Variants in SULT1C3 observed in about 807,000 individuals in gnomAD.
The protein encoded by SULT1C3 is sulfotransferase family 1C member 3.
In SULT1C3, 31 loss-of-function variants were observed where a neutral mutation model predicts 28.4. The ratio of observed to expected loss-of-function variants is 1.09; its 90% CI spans 0.82 to 1.47. SULT1C3 has a LOEUF of 1.47. Among genes scored for constraint, SULT1C3 ranks in the 40% most tolerant of loss-of-function variants. SULT1C3 has a pLI of 0.00. For synonymous variants in SULT1C3, 106 were observed against 92.2 expected (o/e 1.15, Z -0.86); for missense variants, 307 against 272.5 (o/e 1.13, Z -0.89).
At chr2:108,245,562 C>G (rs1675559983) in intron 1 of SULT1C3, among the ~76,000 whole-genome samples, 1 of 152,144 alleles carries the variant, frequency 6.6e-6, no homozygotes, top group South Asian at 2.1e-4. Flanking sequence ...ATGGGACAAT[C>G]AAGGAGTAGC....
At chr2:108,244,978 T>G (rs1376424249) in intron 1 of SULT1C3, among the ~76,000 whole-genome samples, 4 of 152,106 alleles carry the variant, frequency 2.6e-5, no homozygotes, top group Non-Finnish European at 5.9e-5. Context: ...CAAAATACAC[T>G]CCAGGGGAGT....
chr2:108,260,907 TTTTG>T (rs1041871796), downstream of SULT1C3, among the ~76,000 whole-genome samples: 22 of 152,294 alleles, frequency 1.4e-4, no homozygotes, highest in African/African-American at 5.3e-4. Flanking sequence ...ACATGAGTTT[TTTTG>T]TTTGTTTGTT....
intron 5 of SULT1C3, 152 bp from the exon 6 acceptor site, chr2:108,258,582 T>A: frequency 3.4e-6 from 2 of 587,236 alleles, no homozygotes; most frequent in Admixed American, 6.0e-5. Flanking sequence ...TTACACCATA[T>A]AGACAAATTT....
chr2:108,249,370 G>A (rs1004604558), intron 2 of SULT1C3, among the ~76,000 whole-genome samples: 24 of 151,790 alleles, frequency 1.6e-4, no homozygotes, highest in Non-Finnish European at 2.4e-4. Flanking sequence ...TGTGTTGCCC[G>A]CACAGCTGCA....
chr2:108,261,735 T>C (rs1249242576), downstream of SULT1C3, among the ~76,000 whole-genome samples: 1 of 152,102 alleles, frequency 6.6e-6, no homozygotes, highest in Non-Finnish European at 1.5e-5. Flanking sequence ...TCAGGAACAA[T>C]ATACATAGCT....
chr2:108,241,135 T>A (rs1202304343), intron 1 of SULT1C3, among the ~76,000 whole-genome samples: 2 of 152,226 alleles, frequency 1.3e-5, no homozygotes, highest in African/African-American at 2.4e-5. Context: ...CCACACTGTG[T>A]AGACAAGGTA....
In SULT1C3 at chr2:108,247,182, T is replaced by TATGG; in HGVS notation, c.-7-6_-7-5insATGG. The TATGG allele has an allele frequency of 6.6e-7, 1 of 1,508,152 alleles. No homozygotes were observed. 93.4% of individuals were successfully genotyped at this position (1,508,152 alleles called of 1,614,324 possible). ...TTTTAATTAGTATTGATCTTACCCA[T>TATGG]CCCAGATTCCCAATGGCGAAGATTG... is the stretch of plus-strand genomic sequence containing the variant. On this transcript the variant is annotated splice_region_variant and splice_polypyrimidine_tract_variant and intron_variant, in intron 1 of 7. Coordinates refer to ENST00000681802, the MANE Select transcript of SULT1C3 (RefSeq NM_001320878.2).
In SULT1C3 at chr2:108,259,258, T is replaced by G. The variant is rs971489406; in HGVS notation, c.802+112T>G. 1.3e-5 allele frequency: 3 copies of G among 236,268 alleles called. No individual in the cohort carries two copies. In the East Asian group the frequency reaches 2.9e-4, roughly 23 times the overall value. 14.6% of individuals were successfully genotyped at this position (236,268 alleles called of 1,614,324 possible). Reference sequence around the variant, plus strand: ...GAAGTGACTCATTTCAGTTAAATTTTGAATCTCTGCTCCCTTCACCCTGCC... The same window carrying G: ...GAAGTGACTCATTTCAGTTAAATTTGGAATCTCTGCTCCCTTCACCCTGCC... On this transcript the variant is annotated intron_variant, in intron 7 of 7. Coordinates refer to ENST00000681802, the MANE Select transcript of SULT1C3 (RefSeq NM_001320878.2).
chr2:108,244,178 A>G (rs1426999244), intron 1 of SULT1C3, among the ~76,000 whole-genome samples: 2 of 152,208 alleles, frequency 1.3e-5, no homozygotes, highest in African/African-American at 4.8e-5. Flanking sequence ...AATATAAACA[A>G]TGATCCTTAT....
chr2:108,247,855 G>A (rs1326659414), intron 2 of SULT1C3, among the ~76,000 whole-genome samples: 1 of 152,134 alleles, frequency 6.6e-6, no homozygotes, highest in Non-Finnish European at 1.5e-5. Context: ...GACTGACCTT[G>A]ATTTAAAATG....
At chr2:108,253,905 T>A (rs1171511415) in intron 4 of SULT1C3, among the ~76,000 whole-genome samples, 4 of 151,956 alleles carry the variant, frequency 2.6e-5, no homozygotes, top group Non-Finnish European at 5.9e-5. Flanking sequence ...TTTATCCCCC[T>A]CACCTCTATG....
intron 5 of SULT1C3, among the ~76,000 whole-genome samples, chr2:108,256,752 GA>G (rs1410150674): frequency 1.3e-5 from 2 of 152,036 alleles, no homozygotes; most frequent in Non-Finnish European, 2.9e-5. Flanking sequence ...GATATCTGTG[GA>G]AAAGTCAATA....
intron 1 of SULT1C3, among the ~76,000 whole-genome samples, chr2:108,242,313 GCA>G (rs540803353): frequency 1.3e-4 from 20 of 152,280 alleles, no homozygotes; most frequent in African/African-American, 4.8e-4. Context: ...ATATATAGCA[GCA>G]CAGACAGAAG....
chr2:108,253,240 T>C (rs1469841470), intron 3 of SULT1C3, 105 bp from the exon 4 acceptor site: 3 of 637,940 alleles, frequency 4.7e-6, no homozygotes, highest in Non-Finnish European at 4.7e-6. Context: ...TTCCAATGGA[T>C]ATAAAACAAA....
intron 1 of SULT1C3, among the ~76,000 whole-genome samples, chr2:108,243,448 G>A (rs751817141): frequency 3.9e-5 from 6 of 151,988 alleles, no homozygotes; most frequent in African/African-American, 4.8e-5. Context: ...TGGCTAACAC[G>A]GTGAAACCCT....
At chr2:108,242,378 G>C (rs999720184) in intron 1 of SULT1C3, among the ~76,000 whole-genome samples, 12 of 152,128 alleles carry the variant, frequency 7.9e-5, no homozygotes, top group African/African-American at 2.9e-4. Flanking sequence ...TGGATTACTG[G>C]CTTTAGGGTG....
At chr2:108,261,340 A>G (rs1327725493), downstream of SULT1C3, among the ~76,000 whole-genome samples, 1 of 152,162 alleles carries the variant, frequency 6.6e-6, no homozygotes, top group Non-Finnish European at 1.5e-5. Context: ...TGCTTAATGT[A>G]TCTAATCTAT....
At position 108,252,434 on chromosome 2, in the gene SULT1C3, C is replaced by G; in HGVS notation, c.242C>G (p.Ala81Gly). The G allele has an allele frequency of 3.7e-6, 6 of 1,612,276 alleles. No homozygotes were observed. Among genetic ancestry groups the G allele is most frequent in the Non-Finnish European group, 4.2e-6 (5 of 1,179,028 alleles). ...GGTGATGTGGAGAAATGCAAAAGAG[C>G]CCAGACTCTAGATAGACACGCTTTC... Reference protein sequence around the residue: ...NDGDVEKCKRAQTLDRHAFLE... With the variant: ...NDGDVEKCKRGQTLDRHAFLE... The change falls in exon 3 of 8, where the codon GCC becomes GGC. Residue 81 changes from alanine to glycine, a missense_variant. Transcript: ENST00000681802.
At chr2:108,246,840 C>T (rs868220766) in intron 1 of SULT1C3, among the ~76,000 whole-genome samples, 4 of 152,038 alleles carry the variant, frequency 2.6e-5, no homozygotes, top group Admixed American at 6.6e-5. Context: ...ATTATATTCC[C>T]GATTAACAAG....
Sources: gnomAD v4.1 joint callset for allele counts (sites outside exome capture counted in the v4.1 genomes callset) on GRCh38, gnomAD v4.1.1 for gene constraint, MANE v1.5 for transcripts, NCBI Gene and HGNC (gene_info 2026-07-23, HGNC 2026-07-21) for gene names.